Variants in SEPTIN9 observed in about 807,000 individuals in gnomAD.
SEPTIN9 encodes septin-9.
SEPTIN9 carries 13 observed loss-of-function variants against 56.6 expected under a neutral mutation model. That is an observed-to-expected ratio of 0.23 (90% CI 0.15 to 0.37). The LOEUF is 0.37. SEPTIN9 is among the 10% of genes least tolerant of loss of function. The pLI, the probability that SEPTIN9 is intolerant of heterozygous loss-of-function variation, is 1.00. For missense variants in SEPTIN9, 650 were observed against 823.1 expected (o/e 0.79, Z 2.57); for synonymous variants, 332 against 334.1 (o/e 0.99, Z 0.07).
chr17:77,438,136 G>A (rs916221562), intron 3 of SEPTIN9, among the ~76,000 whole-genome samples: 2 of 152,228 alleles, frequency 1.3e-5, no homozygotes, highest in African/African-American at 2.4e-5. Context: ...TGGAGAAGCC[G>A]TTGGGCCGAG....
At chr17:77,443,740 G>C (rs574785709) in intron 3 of SEPTIN9, among the ~76,000 whole-genome samples, 1 of 152,210 alleles carries the variant, frequency 6.6e-6, no homozygotes, top group South Asian at 2.1e-4. Context: ...GGAGGTTGCA[G>C]TGAGCTGAGA....
chr17:77,482,829 G>A (rs1053713565), intron 4 of SEPTIN9: 22 of 497,462 alleles, frequency 4.4e-5, no homozygotes, highest in African/African-American at 2.7e-4. Context: ...AGGTCACCAC[G>A]GGAGGTCGTC....
intron 10 of SEPTIN9, 120 bp from the exon 11 acceptor site, chr17:77,497,195 C>T (rs2143471686): frequency 1.0e-6 from 1 of 993,838 alleles, no homozygotes; most frequent in Non-Finnish European, 1.6e-6. Flanking sequence ...CCCTCCTGCC[C>T]ATGGGGCTGC....
chr17:77,348,258 T>C (rs1295489698), intron 2 of SEPTIN9, among the ~76,000 whole-genome samples: 1 of 151,532 alleles, frequency 6.6e-6, no homozygotes, highest in Non-Finnish European at 1.5e-5. Context: ...TCTTTTATGT[T>C]AATTAAGTAT....
In SEPTIN9 at chr17:77,310,294, G is replaced by A. The variant is rs1466939137; in HGVS notation, c.76+3097G>A. ...ACCGCATCCGGCCTGGTCTCCTCTT[G>A]CATACGGTCATCAGCATCGTGTGAC... On this transcript the variant is annotated intron_variant, in intron 2 of 11. Transcript: ENST00000427177. The surrounding 1 kb of genome is among the most constrained non-coding windows in gnomAD (Gnocchi z 4.7). 2.6e-5 allele frequency among the ~76,000 whole-genome samples: 4 copies of A among 152,088 alleles called. No homozygotes were observed. Among genetic ancestry groups the A allele is most frequent in the African/African-American group, 9.7e-5 (4 of 41,410 alleles).
chr17:77,482,194 G>A lies in SEPTIN9; in HGVS notation c.772G>A (p.Asp258Asn), dbSNP rs2143215825. 1.2e-6 allele frequency: 2 copies of A among 1,609,508 alleles called. No individual in the cohort carries two copies. Among genetic ancestry groups the A allele is most frequent in the East Asian group, 4.5e-5 (2 of 44,746 alleles). The change falls in exon 4 of 12, where the codon GAT becomes AAT. Residue 258 changes from aspartate (D) to asparagine (N), a missense_variant. By Grantham distance (23) the Asp-to-Asn change is conservative (BLOSUM62 1). Around this residue, in one of 2 missense-constraint regions of SEPTIN9, gnomAD observed 333 missense variants for 494.0 expected, o/e 0.67. Transcript: ENST00000427177. ...CVGDMADTPR[D>N]AGLKQAPASR... ...TGGCGACATGGCCGACACCCCCAGA[G>A]ATGCCGGGCTCAAGCAGGCGCCTGC...
chr17:77,359,050 G>T (rs1249952037), intron 2 of SEPTIN9, among the ~76,000 whole-genome samples: 1 of 152,176 alleles, frequency 6.6e-6, no homozygotes, highest in South Asian at 2.1e-4. Context: ...TCCAGCCAGA[G>T]GGAAGGGAAG....
chr17:77,471,571 T>C (rs312817), intron 3 of SEPTIN9, among the ~76,000 whole-genome samples: 20,003 of 152,268 alleles, frequency 0.13, 3,773 homozygotes, highest in African/African-American at 0.41. Context: ...TGCTGACAGG[T>C]CTGCTGATAG....
intron 7 of SEPTIN9, among the ~76,000 whole-genome samples, chr17:77,489,857 C>T (rs1173570664): frequency 2.0e-5 from 3 of 152,192 alleles, no homozygotes; most frequent in Non-Finnish European, 4.4e-5. Flanking sequence ...AACATCTGCC[C>T]TCCCAGGCAG....
At chr17:77,312,177 G>C (rs1358572516) in intron 2 of SEPTIN9, among the ~76,000 whole-genome samples, 3 of 152,126 alleles carry the variant, frequency 2.0e-5, no homozygotes, top group African/African-American at 7.2e-5. Flanking sequence ...CCCTGCTGTG[G>C]CTCCTTCCCC....
chr17:77,464,308 C>G (rs2038611176), intron 3 of SEPTIN9, among the ~76,000 whole-genome samples: 1 of 152,140 alleles, frequency 6.6e-6, no homozygotes, highest in Non-Finnish European at 1.5e-5. Flanking sequence ...GAACCCCTGA[C>G]CTCAAATAAT....
intron 2 of SEPTIN9, among the ~76,000 whole-genome samples, chr17:77,391,333 C>G (rs2035532872): frequency 6.6e-6 from 1 of 152,102 alleles, no homozygotes; most frequent in Non-Finnish European, 1.5e-5. Context: ...GTGCCACAAC[C>G]TGGGGGCTTA....
In SEPTIN9 at chr17:77,488,650, C is replaced by T. The variant is rs970184425; in HGVS notation, c.1125-77C>T. The T allele has an allele frequency of 1.2e-5, 19 of 1,590,898 alleles. 1 individual carries two copies. Among genetic ancestry groups the T allele is most frequent in the Middle Eastern group, 1.7e-4 (1 of 6,036 alleles). On this transcript the variant is annotated intron_variant, in intron 6 of 11. Transcript: ENST00000427177. Reference sequence around the variant, plus strand: ...TCATTGGAAGGTGGGGTGTTGGGCTCTGAGTCCTGGGAATGCACGACCTGC... The same window carrying T: ...TCATTGGAAGGTGGGGTGTTGGGCTTTGAGTCCTGGGAATGCACGACCTGC...
rs1261932871 is a variant in SEPTIN9, at chr17:77,492,753, C to T, written c.1476+37C>T. 3 of 1,576,542 alleles carry T rather than the reference C, an allele frequency of 1.9e-6. No homozygotes were observed. The highest frequency in any genetic ancestry group is 2.6e-6 in the Non-Finnish European group (3 of 1,146,002). ...CACTAGGATGTTGTTCCCAGGGGAC[C>T]CCCAGTTCCTGCTGAAGGGTGGGTT... On this transcript the variant is annotated intron_variant, in intron 9 of 11. Transcript: ENST00000427177. The surrounding 1 kb of genome is among the most constrained non-coding windows in gnomAD (Gnocchi z 5.4).
rs182345770 is a variant in SEPTIN9 at position 77,358,489 on chromosome 17, C to A, written c.77-43570C>A. 2.0e-5 allele frequency among the ~76,000 whole-genome samples: 3 copies of A among 152,054 alleles called. No individual in the cohort carries two copies. In the South Asian group the frequency reaches 6.2e-4, roughly 32 times the overall value. ...TACAAAAATTAGCCAGACATGGTGG[C>A]GTGCACCTGTAGTCCCAGCTACTCA... On this transcript the variant is annotated intron_variant, in intron 2 of 11. Coordinates refer to ENST00000427177, the MANE Select transcript of SEPTIN9 (RefSeq NM_001113491.2).
intron 1 of SEPTIN9, among the ~76,000 whole-genome samples, chr17:77,303,558 A>G (rs1250549724): frequency 6.6e-6 from 1 of 151,912 alleles, no homozygotes. Context: ...CCGAATATAC[A>G]AAAATTAGCC....
chr17:77,477,931 G>C (rs1392177373), intron 3 of SEPTIN9, among the ~76,000 whole-genome samples: 1 of 152,152 alleles, frequency 6.6e-6, no homozygotes. Flanking sequence ...TTGCACAACC[G>C]TGTTCGTAGC....
At chr17:77,404,236 CTTCTTTGACTT>C (rs1414924245) in intron 3 of SEPTIN9, among the ~76,000 whole-genome samples, 1 of 152,096 alleles carries the variant, frequency 6.6e-6, no homozygotes, top group Non-Finnish European at 1.5e-5. Flanking sequence ...CTCTTTCCAT[CTTCTTTGACTT>C]TTCTTTGACT....
intron 2 of SEPTIN9, among the ~76,000 whole-genome samples, chr17:77,355,981 C>CAAAAAA (rs766969712): frequency 4.3e-5 from 4 of 92,398 alleles, no homozygotes; most frequent in Admixed American, 3.5e-4. Context: ...GACTCCGTCT[C>CAAAAAA]AAAAAAAAAA....
Sources: gnomAD v4.1 joint callset for allele counts (sites outside exome capture counted in the v4.1 genomes callset) on GRCh38, gnomAD v4.1.1 for gene constraint, gnomAD v4.1.1 regional missense constraint, Gnocchi (gnomAD v3.1) non-coding constraint, MANE v1.5 for transcripts, NCBI Gene and HGNC (gene_info 2026-07-23, HGNC 2026-07-21) for gene names.